The following PCDHA5 variants were observed in gnomAD, a reference collection of about 807,000 sequenced individuals.
PCDHA5 encodes the protein protocadherin alpha 5.
In PCDHA5, 43 loss-of-function variants were observed where a neutral mutation model predicts 61.6. That is an observed-to-expected ratio of 0.70 (90% CI 0.55 to 0.90). The LOEUF is 0.90. Ranked by LOEUF, PCDHA5 falls within the 40% of genes least tolerant of loss-of-function variation. The probability of loss-of-function intolerance (pLI) is 0.00; values close to 1 mark genes in which losing one functional copy is unlikely to be tolerated. For synonymous variants in PCDHA5, 627 were observed against 543.9 expected, an observed-to-expected ratio of 1.15 and a Z score of -2.13; for missense variants, 1,298 against 1,222.7, an observed-to-expected ratio of 1.06 and a Z score of -0.92.
intron 1 of PCDHA5, among the ~76,000 whole-genome samples, chr5:140,881,799 C>A (rs368456285): frequency 3.3e-5 from 5 of 152,282 alleles, no homozygotes; most frequent in Admixed American, 2.0e-4. Flanking sequence ...TGTCCCAAAA[C>A]GAGTGTCGAA....
intron 1 of PCDHA5, chr5:140,877,748 G>C: frequency 6.2e-7 from 1 of 1,614,188 alleles, no homozygotes; most frequent in Non-Finnish European, 8.5e-7. Flanking sequence ...CAGAGGGTGT[G>C]CTCTGCAGAG....
intron 3 of PCDHA5, among the ~76,000 whole-genome samples, chr5:140,996,540 T>C (rs2097730922): frequency 1.3e-5 from 2 of 152,218 alleles, no homozygotes. Flanking sequence ...TGTTTTGATA[T>C]TATGCTGTCA....
At chr5:140,981,629 G>A (rs1342775971) in intron 2 of PCDHA5, among the ~76,000 whole-genome samples, 1 of 151,994 alleles carries the variant, frequency 6.6e-6, no homozygotes. Flanking sequence ...GGTTTTCTTG[G>A]ACATTTTCTC....
In PCDHA5 at chr5:140,848,080, C is replaced by T. The variant is rs114595741; in HGVS notation, c.2352+23953C>T. 638 of 165,510 alleles carry T rather than the reference C, an allele frequency of 3.9e-3. 35 individuals carry two copies. Among genetic ancestry groups the T allele is most frequent in the African/African-American group, 0.014 (569 of 41,328 alleles). 10.3% of individuals were successfully genotyped at this position (165,510 alleles called of 1,614,324 possible). A position where few individuals can be genotyped will look rare whatever the true frequency, so the allele number is the denominator to read the frequency against. ...ACTTCATTTCTGTCGTTATTTAAAA[C>T]TTAAGTGGAGAGTTTTCTCAGGGAT... On this transcript the variant is annotated intron_variant, in intron 1 of 3. Transcript: ENST00000529859.
intron 1 of PCDHA5, among the ~76,000 whole-genome samples, chr5:140,932,490 A>G (rs1330943965): frequency 6.6e-6 from 1 of 151,852 alleles, no homozygotes; most frequent in South Asian, 2.1e-4. Context: ...CCTCTTTGCA[A>G]TGTCATTTGT....
At chr5:140,968,460 C>T (rs1554230749) in intron 1 of PCDHA5, 3 of 1,613,978 alleles carry the variant, frequency 1.9e-6, no homozygotes, top group Non-Finnish European at 2.5e-6. Context: ...ACTGTGACTG[C>T]CAACGTATAT....
At chr5:140,937,945 G>T (rs1464890227) in intron 1 of PCDHA5, among the ~76,000 whole-genome samples, 1 of 151,840 alleles carries the variant, frequency 6.6e-6, no homozygotes, top group Non-Finnish European at 1.5e-5. Context: ...TTGATAATTG[G>T]CTTTTGTTGA....
intron 1 of PCDHA5, among the ~76,000 whole-genome samples, chr5:140,941,214 C>CCTTTCTTTCTTCCTTTCTTTCTTTCTTT (rs2092876516): frequency 4.1e-5 from 5 of 122,412 alleles, no homozygotes; most frequent in Non-Finnish European, 8.5e-5. Flanking sequence ...TTTCTTTCTT[C>CCTTTCTTTCTTCCTTTCTTTCTTTCTTT]CTTTCTTTCT....
rs2150117881 is a variant in PCDHA5 at position 140,822,630 on chromosome 5, TGAC to T, written c.858_860del (p.Asp287del). ...TGTATTTCTTTAGTAATCTTGTTCT[TGAC>T]GATGTAAAGTCCAAATTTATAATTA... On this transcript the variant is annotated inframe_deletion, in exon 1 of 4. Coordinates refer to ENST00000529859, the MANE Select transcript of PCDHA5 (RefSeq NM_018908.3). 6.2e-6 allele frequency: 10 copies of T among 1,611,342 alleles called. No homozygotes were observed. Among genetic ancestry groups the T allele is most frequent in the Non-Finnish European group, 4.2e-6 (5 of 1,178,302 alleles).
At chr5:140,867,783 G>A (rs1426151534) in intron 1 of PCDHA5, 1 of 152,002 alleles carries the variant, frequency 6.6e-6, no homozygotes, top group Non-Finnish European at 1.5e-5. Flanking sequence ...AGCAATTCCT[G>A]TATTTTACTT....
chr5:140,933,752 A>T (rs1308245960), intron 1 of PCDHA5, among the ~76,000 whole-genome samples: 1 of 152,068 alleles, frequency 6.6e-6, no homozygotes, highest in African/African-American at 2.4e-5. Context: ...AGAATTCACT[A>T]GTGAAGCTCT....
intron 1 of PCDHA5, chr5:140,863,012 G>T (rs1562573828): frequency 1.8e-6 from 1 of 552,298 alleles, no homozygotes; most frequent in Non-Finnish European, 3.6e-6. Context: ...CAGCTATGAC[G>T]CCTGGTTGTC....
chr5:140,836,723 A>G (rs1318584018), intron 1 of PCDHA5: 35 of 1,612,196 alleles, frequency 2.2e-5, no homozygotes, highest in Non-Finnish European at 2.9e-5. Flanking sequence ...CTCAGGGTCC[A>G]TCCTCTACAG....
chr5:140,868,184 G>A (rs1216562415), intron 1 of PCDHA5: 3 of 151,962 alleles, frequency 2.0e-5, no homozygotes, highest in African/African-American at 7.2e-5. Context: ...CTCATATTAT[G>A]CTACTATGGC....
rs1175154798 is a variant in PCDHA5, at chr5:140,822,516, T to C, written c.741T>C (p.Asn247=). 2 of 1,613,966 alleles carry C rather than the reference T, an allele frequency of 1.2e-6. No individual in the cohort carries two copies. Among genetic ancestry groups the C allele is most frequent in the South Asian group, 1.1e-5 (1 of 91,078 alleles). ...NAPEFDKSIY[N]VRLLENAPSG... is the part of the protein sequence containing the mutation. ...CAGAATTTGATAAATCCATTTATAA[T>C]GTCAGATTGTTGGAAAATGCACCAA... Residue 247 remains asparagine, a synonymous_variant, in exon 1 of 4, where the codon AAT becomes AAC. Transcript: ENST00000529859.
intron 1 of PCDHA5, chr5:140,966,280 G>A (rs782249047): frequency 2.0e-4 from 74 of 365,660 alleles, no homozygotes; most frequent in Middle Eastern, 6.9e-4. Context: ...CTGGACAGTG[G>A]GGGTAGGGAG....
Position 140,956,280 on chromosome 5 carries a change from G to A in PCDHA5, c.2353-22669G>A, listed in dbSNP as rs554735108. On this transcript the variant is annotated intron_variant, in intron 1 of 3. Coordinates refer to ENST00000529859, the MANE Select transcript of PCDHA5 (RefSeq NM_018908.3). ...GCCCATTCAGTGTGGTATTGGCTGT[G>A]GGTTTATCATATATATGGCTCTTAT... Among the ~76,000 whole-genome samples, 16 of 152,206 alleles carry A rather than the reference G, an allele frequency of 1.1e-4. No individual in the cohort carries two copies. In the South Asian group the frequency reaches 3.3e-3, roughly 32 times the overall value.
At chr5:140,856,384 G>C (rs202075661) in intron 1 of PCDHA5, 1 of 1,598,540 alleles carries the variant, frequency 6.3e-7, no homozygotes, top group African/African-American at 1.3e-5. Flanking sequence ...TGGACAGGCC[G>C]CTGCAGGTTT....
At chr5:140,934,574 A>G in intron 1 of PCDHA5, among the ~76,000 whole-genome samples, 1 of 152,124 alleles carries the variant, frequency 6.6e-6, no homozygotes, top group Non-Finnish European at 1.5e-5. Flanking sequence ...AATTAATTGT[A>G]ACATTTCTGT....
Sources: allele counts gnomAD v4.1 joint callset (sites outside exome capture counted in the v4.1 genomes callset), GRCh38; gene constraint gnomAD v4.1.1; transcripts MANE v1.5; gene names NCBI Gene and HGNC (gene_info 2026-07-23, HGNC 2026-07-21).